CRISPLD2: variants seen among roughly 807,000 people sequenced by gnomAD.
CRISPLD2 encodes cysteine rich secretory protein LCCL domain containing 2.
In CRISPLD2, 47 loss-of-function variants were observed where a neutral mutation model predicts 71.1. The observed-to-expected ratio is 0.66, with a 90% confidence interval of 0.52 to 0.84. The LOEUF is 0.84. Among genes scored for constraint, CRISPLD2 ranks in the 40% least tolerant of loss-of-function variants. The pLI is 0.00. For synonymous variants in CRISPLD2, 317 were observed against 250.1 expected, an observed-to-expected ratio of 1.27 and a Z score of -2.52; for missense variants, 830 against 651.1, an observed-to-expected ratio of 1.27 and a Z score of -2.99.
intron 2 of CRISPLD2, among the ~76,000 whole-genome samples, chr16:84,844,674 C>T (rs1427236426): frequency 6.6e-6 from 1 of 152,090 alleles, no homozygotes; most frequent in African/African-American, 2.4e-5. Flanking sequence ...ATCTCCGGCA[C>T]TTTCTATCTT....
intron 6 of CRISPLD2, among the ~76,000 whole-genome samples, chr16:84,858,316 A>G (rs1917295110): frequency 6.6e-6 from 1 of 152,196 alleles, no homozygotes; most frequent in Non-Finnish European, 1.5e-5. Context: ...CGCTTGATAA[A>G]TGAGCCAGAG....
intron 1 of CRISPLD2, among the ~76,000 whole-genome samples, chr16:84,822,023 T>C (rs975524372): frequency 1.1e-4 from 16 of 152,242 alleles, no homozygotes; most frequent in Non-Finnish European, 2.2e-4. Flanking sequence ...ACCAGCCACA[T>C]GACTGTCCCA....
chr16:84,831,425 T>C (rs1463354932), intron 1 of CRISPLD2, among the ~76,000 whole-genome samples: 3 of 152,158 alleles, frequency 2.0e-5, no homozygotes, highest in Non-Finnish European at 2.9e-5. Flanking sequence ...TTTCCTTTTT[T>C]CTTTTGAGAT....
chr16:84,858,629 G>A (rs1313844938), intron 6 of CRISPLD2, among the ~76,000 whole-genome samples: 1 of 152,220 alleles, frequency 6.6e-6, no homozygotes, highest in Non-Finnish European at 1.5e-5. Flanking sequence ...GTGCAATGGA[G>A]CAGTGTGATA....
Position 84,860,813 on chromosome 16 carries a change from G to T in CRISPLD2, c.709+5984G>T, listed in dbSNP as rs1917358935. The stretch of plus-strand genomic sequence containing the variant: ...CATTGCAGGTCAGCCACTTGCATGA[G>T]AAGAGCTTGTGTCTGTTTTTCCACA... On this transcript the variant is annotated intron_variant, in intron 6 of 14. Transcript: ENST00000262424. 2.0e-5 allele frequency among the ~76,000 whole-genome samples: 3 copies of T among 152,194 alleles called. No individual in the cohort carries two copies. The South Asian group carries it at 6.2e-4, about 32-fold the overall frequency.
At chr16:84,849,646 T>G (rs902319078) in intron 4 of CRISPLD2, 129 bp downstream of exon 4, 35 of 987,254 alleles carry the variant, frequency 3.5e-5, no homozygotes, top group Non-Finnish European at 5.3e-5. Context: ...AAAATTCAGT[T>G]CTATACAGAG....
rs1292794899 is a variant in CRISPLD2, at chr16:84,880,152, A to C, written c.1230-357A>C. Among the ~76,000 whole-genome samples, 3 of 152,084 alleles carry C rather than the reference A, an allele frequency of 2.0e-5. No individual in the cohort carries two copies. In the East Asian group the frequency reaches 5.8e-4, roughly 29 times the overall value. ...AAAGTCTCTTGATGCTAATCTCCATAATGTACCCACAGTGTGAACTAGCCA... is the reference window on the plus strand; with the variant it reads ...AAAGTCTCTTGATGCTAATCTCCATCATGTACCCACAGTGTGAACTAGCCA... On this transcript the variant is annotated intron_variant, in intron 12 of 14. Coordinates refer to ENST00000262424, the MANE Select transcript of CRISPLD2 (RefSeq NM_031476.4).
intron 1 of CRISPLD2, among the ~76,000 whole-genome samples, chr16:84,822,936 T>C (rs2326397): frequency 0.34 from 51,772 of 151,942 alleles, 9,154 homozygotes; most frequent in Middle Eastern, 0.41. Context: ...GTTTAGTACA[T>C]TGGAAGTATT....
At chr16:84,881,841 C>T (rs2071571191) in intron 13 of CRISPLD2, among the ~76,000 whole-genome samples, 1 of 152,040 alleles carries the variant, frequency 6.6e-6, no homozygotes, top group Admixed American at 6.6e-5. Context: ...CCCGCTTCCC[C>T]GCCATCATCT....
rs2071805670 is a variant in CRISPLD2, at chr16:84,906,695, C to T, written c.*53C>T. The T allele has an allele frequency of 6.3e-7, 1 of 1,598,582 alleles. No individual in the cohort carries two copies. The highest frequency in any genetic ancestry group is 8.6e-7 in the Non-Finnish European group (1 of 1,165,962). ...TCTTCAGGAGGGCTTCGGGGTTTTG[C>T]TTTTATTTTTATTTTGTCATTGCGG... is the stretch of plus-strand genomic sequence containing the variant. On this transcript the variant is annotated 3_prime_UTR_variant, in exon 15 of 15. Coordinates refer to ENST00000262424, the MANE Select transcript of CRISPLD2 (RefSeq NM_031476.4).
At chr16:84,848,642 T>C (rs1597456324) in intron 3 of CRISPLD2, among the ~76,000 whole-genome samples, 1 of 152,122 alleles carries the variant, frequency 6.6e-6, no homozygotes, top group Admixed American at 6.5e-5. Context: ...GGTTTCGCCA[T>C]GTCGGCCAGG....
intron 14 of CRISPLD2, among the ~76,000 whole-genome samples, chr16:84,899,806 G>C (rs944216425): frequency 4.6e-5 from 7 of 152,054 alleles, no homozygotes; most frequent in Admixed American, 6.6e-5. Context: ...TGGTTGTTTG[G>C]GGCCCTGAGA....
chr16:84,893,406 A>G (rs1273261180), intron 14 of CRISPLD2, among the ~76,000 whole-genome samples: 4 of 152,158 alleles, frequency 2.6e-5, no homozygotes, highest in Admixed American at 6.5e-5. Context: ...ATCTCTCAGG[A>G]TGAGGGGTCA....
At chr16:84,832,715 G>A (rs913478386) in intron 1 of CRISPLD2, among the ~76,000 whole-genome samples, 1 of 152,240 alleles carries the variant, frequency 6.6e-6, no homozygotes, top group Non-Finnish European at 1.5e-5. Context: ...AAAGCAGGGA[G>A]CTTGGCACAG....
At chr16:84,821,609 A>G (rs1202737161) in intron 1 of CRISPLD2, among the ~76,000 whole-genome samples, 3 of 152,154 alleles carry the variant, frequency 2.0e-5, no homozygotes, top group Non-Finnish European at 4.4e-5. Context: ...TTCCCTGCCC[A>G]CTGCCAACTC....
chr16:84,833,652 TGCCAGAG>T (rs1304583728), intron 1 of CRISPLD2, among the ~76,000 whole-genome samples: 1 of 152,206 alleles, frequency 6.6e-6, no homozygotes, highest in Admixed American at 6.5e-5. Flanking sequence ...GGCATCCATC[TGCCAGAG>T]GTCAGAGGTC....
rs541125181 is a variant in CRISPLD2, at chr16:84,849,572, C to A, written c.492+55C>A. 9 of 1,544,874 alleles carry A rather than the reference C, an allele frequency of 5.8e-6. No individual in the cohort carries two copies. In the East Asian group the frequency reaches 1.6e-4, roughly 28 times the overall value. ...CCTGCCCCCCAATCCCAGTCATTCA[C>A]CCCCTGCCCCTGGGGGATTGTCAAA... On this transcript the variant is annotated intron_variant, in intron 4 of 14. Coordinates refer to ENST00000262424, the MANE Select transcript of CRISPLD2 (RefSeq NM_031476.4).
At chr16:84,820,743 T>A (rs935669318) in intron 1 of CRISPLD2, among the ~76,000 whole-genome samples, 5 of 152,046 alleles carry the variant, frequency 3.3e-5, no homozygotes, top group Non-Finnish European at 5.9e-5. Context: ...CAAATGGATG[T>A]GTAGAGACTT....
intron 1 of CRISPLD2, among the ~76,000 whole-genome samples, chr16:84,822,396 G>A (rs1048117018): frequency 8.5e-5 from 13 of 152,278 alleles, no homozygotes; most frequent in Admixed American, 5.2e-4. Context: ...ACCCTCTGAC[G>A]TCTTTGGAGG....
Sources: allele counts gnomAD v4.1 joint callset (sites outside exome capture counted in the v4.1 genomes callset), GRCh38; gene constraint gnomAD v4.1.1; transcripts MANE v1.5; gene names NCBI Gene and HGNC (gene_info 2026-07-23, HGNC 2026-07-21).